Variants in EYS observed in about 807,000 individuals in gnomAD.
The protein encoded by EYS is protein eyes shut homolog.
Under a neutral mutation model 282.1 loss-of-function variants are expected in EYS, and 250 were observed. The ratio of observed to expected loss-of-function variants is 0.89; its 90% CI spans 0.80 to 0.98. The LOEUF (loss-of-function observed/expected upper bound fraction) is 0.98. Ranked by LOEUF, EYS falls within the 50% of genes least tolerant of loss-of-function variation. EYS has a pLI of 0.00. For synonymous variants in EYS, 1,355 were observed against 1,282.9 expected (o/e 1.06, Z -1.20); for missense variants, 4,016 against 3,709.0 (o/e 1.08, Z -2.15).
At chr6:64,534,919 G>A (rs1215615780) in intron 26 of EYS, among the ~76,000 whole-genome samples, 1 of 151,986 alleles carries the variant, frequency 6.6e-6, no homozygotes, top group East Asian at 1.9e-4. Flanking sequence ...GCACACAAAG[G>A]TGCATGCACA....
At chr6:65,106,032 C>T (rs1217981602) in intron 12 of EYS, among the ~76,000 whole-genome samples, 1 of 151,838 alleles carries the variant, frequency 6.6e-6, no homozygotes, top group East Asian at 1.9e-4. Flanking sequence ...ACAGACCATA[C>T]AGCAGCATAA....
At chr6:64,359,316 TAATC>T (rs1457876930) in intron 29 of EYS, among the ~76,000 whole-genome samples, 4 of 151,764 alleles carry the variant, frequency 2.6e-5, no homozygotes, top group Non-Finnish European at 5.9e-5. Flanking sequence ...ATTTGTTTAT[TAATC>T]AATGTTTGGG....
At chr6:65,111,604 T>C (rs1178553418) in intron 12 of EYS, among the ~76,000 whole-genome samples, 1 of 152,122 alleles carries the variant, frequency 6.6e-6, no homozygotes, top group Non-Finnish European at 1.5e-5. Context: ...TCCCTCCCTA[T>C]TGGGACGCCA....
intron 29 of EYS, among the ~76,000 whole-genome samples, chr6:64,312,291 C>T (rs550656641): frequency 1.3e-5 from 2 of 152,240 alleles, no homozygotes; most frequent in South Asian, 4.1e-4. Context: ...GAGCCCACTG[C>T]ACCTCAGCAA....
chr6:64,055,639 G>A (rs1174094662), intron 33 of EYS, among the ~76,000 whole-genome samples: 3 of 152,104 alleles, frequency 2.0e-5, no homozygotes, highest in Non-Finnish European at 4.4e-5. Context: ...TCAGTGAGTG[G>A]CATTATTTGG....
At chr6:65,005,685 C>T (rs72875996) in intron 13 of EYS, among the ~76,000 whole-genome samples, 11,440 of 147,246 alleles carry the variant, frequency 0.078, 1,771 homozygotes, top group East Asian at 0.17. Context: ...TAACAACCCC[C>T]GACCCTTCTA....
chr6:65,601,442 A>G (rs1013336970), intron 2 of EYS, among the ~76,000 whole-genome samples: 1 of 151,864 alleles, frequency 6.6e-6, no homozygotes, highest in Non-Finnish European at 1.5e-5. Context: ...TTTCCCCCAC[A>G]GAGATACCAG....
Position 65,625,767 on chromosome 6 carries a change from T to C in EYS, c.-333+14011A>G, listed in dbSNP as rs190775764. On this transcript the variant is annotated intron_variant, in intron 2 of 42. Transcript: ENST00000503581. ...TTTTGTTTTATATTTGAAATTACAG[T>C]GACAATGATTTCCATTTAGCTCTAA... Among the ~76,000 whole-genome samples, 3 of 152,330 alleles carry C rather than the reference T, an allele frequency of 2.0e-5. No homozygotes were observed. The East Asian group carries it at 5.8e-4, about 29-fold the overall frequency.
At chr6:64,544,686 G>T (rs1764795116) in intron 26 of EYS, among the ~76,000 whole-genome samples, 1 of 152,122 alleles carries the variant, frequency 6.6e-6, no homozygotes, top group South Asian at 2.1e-4. Flanking sequence ...TGATAAAGGG[G>T]ATATCACCAC....
chr6:65,402,598 A>G lies in EYS; in HGVS notation c.1064T>C (p.Met355Thr). The G allele has an allele frequency of 2.5e-6, 4 of 1,574,144 alleles. No homozygotes were observed. Among genetic ancestry groups the G allele is most frequent in the Non-Finnish European group, 3.5e-6 (4 of 1,144,912 alleles). The change falls in exon 7 of 43, where the codon ATG (methionine) becomes ACG (threonine). Residue 355 changes from methionine to threonine, a missense_variant. Coordinates refer to ENST00000503581, the MANE Select transcript of EYS (RefSeq NM_001142800.2). The part of the protein sequence containing the change: ...TDCIKISNDV[M>T]CICSPIFTDL... Reference sequence around the variant, plus strand: ...TGTAAATATTGGTGAACAGATGCACATAACATCCTAGGAAAGATTAAAAAA... The same window carrying G: ...TGTAAATATTGGTGAACAGATGCACGTAACATCCTAGGAAAGATTAAAAAA...
intron 30 of EYS, among the ~76,000 whole-genome samples, chr6:64,246,204 C>G (rs937625349): frequency 9.1e-5 from 13 of 143,282 alleles, no homozygotes; most frequent in Non-Finnish European, 1.5e-5. Flanking sequence ...TCTTTTCTTT[C>G]TTAATTTCCT....
intron 35 of EYS, among the ~76,000 whole-genome samples, chr6:63,873,947 C>G (rs2149714063): frequency 6.6e-6 from 1 of 152,176 alleles, no homozygotes; most frequent in African/African-American, 2.4e-5. Context: ...TGTAGGGTGC[C>G]TGTTCACTCT....
intron 2 of EYS, among the ~76,000 whole-genome samples, chr6:65,584,739 T>G (rs925518833): frequency 3.3e-5 from 5 of 151,812 alleles, no homozygotes; most frequent in African/African-American, 1.2e-4. Context: ...ATAATTATAA[T>G]ATGAATATTA....
chr6:64,417,347 G>A (rs1458976257), intron 28 of EYS, among the ~76,000 whole-genome samples: 1 of 152,072 alleles, frequency 6.6e-6, no homozygotes, highest in East Asian at 1.9e-4. Context: ...ACAGGTACAG[G>A]GGTTTACAAT....
At chr6:64,098,758 G>T (rs1040011767) in intron 31 of EYS, among the ~76,000 whole-genome samples, 1 of 151,794 alleles carries the variant, frequency 6.6e-6, no homozygotes, top group Non-Finnish European at 1.5e-5. Context: ...GTGCCACCAC[G>T]CCCAGCTAAT....
intron 8 of EYS, among the ~76,000 whole-genome samples, chr6:65,356,197 G>A (rs1257415517): frequency 6.6e-6 from 1 of 151,932 alleles, no homozygotes; most frequent in African/African-American, 2.4e-5. Context: ...GTCTTCTGCG[G>A]CAAAAAAATA....
rs115499849 is a variant in EYS, at chr6:64,963,706, T to A, written c.2260-17792A>T. On this transcript the variant is annotated intron_variant, in intron 14 of 42. Coordinates refer to ENST00000503581, the MANE Select transcript of EYS (RefSeq NM_001142800.2). ...AGACACACCAAGTAGAAACTAATAA[T>A]ATTATCTATGTTCAAACAGATTTTA... is the stretch of plus-strand genomic sequence containing the variant. 3.9e-3 allele frequency among the ~76,000 whole-genome samples: 591 copies of A among 152,344 alleles called. 1 individual carries two copies. Among genetic ancestry groups the A allele is most frequent in the African/African-American group, 0.013 (533 of 41,588 alleles).
At chr6:65,440,125 A>G (rs1291076716) in intron 5 of EYS, among the ~76,000 whole-genome samples, 2 of 152,100 alleles carry the variant, frequency 1.3e-5, no homozygotes, top group Non-Finnish European at 2.9e-5. Flanking sequence ...CAATGGAACA[A>G]ATGGATAAAT....
In EYS at chr6:64,362,995, CTCTT is replaced by C. The variant is rs1319536356; in HGVS notation, c.6078+25691_6078+25694del. Among the ~76,000 whole-genome samples, 5 of 104,376 alleles carry C rather than the reference CTCTT, an allele frequency of 4.8e-5. No individual in the cohort carries two copies. The Admixed American group carries it at 5.3e-4, about 11-fold the overall frequency. The allele number at this position is 104,376 out of a possible 152,430, so 68.5% of individuals were successfully genotyped here. ...TTTCTGTTTCATTTTCTTTCATTTT[CTCTT>C]TCTTTTTTTTTTGTGCAGTGTGTGA... is the stretch of plus-strand genomic sequence containing the variant. On this transcript the variant is annotated intron_variant, in intron 29 of 42. Coordinates refer to ENST00000503581, the MANE Select transcript of EYS (RefSeq NM_001142800.2).
Sources: gnomAD v4.1 joint callset for allele counts (sites outside exome capture counted in the v4.1 genomes callset) on GRCh38, gnomAD v4.1.1 for gene constraint, MANE v1.5 for transcripts, NCBI Gene and HGNC (gene_info 2026-07-23, HGNC 2026-07-21) for gene names.